WDR7: variants seen among roughly 807,000 people sequenced by gnomAD.
WDR7 encodes the protein WD repeat domain 7, also known as WD repeat-containing protein 7.
WDR7 carries 46 observed loss-of-function variants against 169.4 expected under a neutral mutation model. That is an observed-to-expected ratio of 0.27 (90% confidence interval 0.21 to 0.35). The LOEUF is 0.35. WDR7 is among the 10% of genes least tolerant of loss of function. The pLI is 1.00. For missense variants in WDR7, 1,534 were observed against 1,859.3 expected, an observed-to-expected ratio of 0.83 and a Z score of 3.22; for synonymous variants, 612 against 666.8, an observed-to-expected ratio of 0.92 and a Z score of 1.27.
intron 1 of WDR7, among the ~76,000 whole-genome samples, chr18:56,668,223 A>G (rs925418554): frequency 6.6e-6 from 1 of 152,192 alleles, no homozygotes; most frequent in Admixed American, 6.5e-5. Context: ...GATCTGATGC[A>G]TGTTGGCTAT....
At chr18:56,732,116 A>G (rs923098115) in intron 14 of WDR7, among the ~76,000 whole-genome samples, 1 of 152,238 alleles carries the variant, frequency 6.6e-6, no homozygotes, top group Non-Finnish European at 1.5e-5. Context: ...GCTCAAACAC[A>G]CTTTCCTTAC....
intron 26 of WDR7, among the ~76,000 whole-genome samples, chr18:56,979,862 AG>A (rs1406129926): frequency 5.3e-5 from 8 of 152,256 alleles, no homozygotes; most frequent in African/African-American, 1.7e-4. Flanking sequence ...GAAATTACCA[AG>A]ATATTAGCCA....
chr18:56,930,244 C>G (rs1194518251), intron 22 of WDR7, among the ~76,000 whole-genome samples: 3 of 152,154 alleles, frequency 2.0e-5, no homozygotes, highest in Admixed American at 2.0e-4. Context: ...TAGAAAGATT[C>G]CTTTTGAACT....
At chr18:56,795,828 G>T (rs1238659840) in intron 19 of WDR7, among the ~76,000 whole-genome samples, 2 of 152,024 alleles carry the variant, frequency 1.3e-5, no homozygotes, top group East Asian at 3.9e-4. Flanking sequence ...TTAAATTATT[G>T]TGCTTAAAGG....
chr18:56,907,179 A>T (rs147846477), intron 21 of WDR7, among the ~76,000 whole-genome samples: 295 of 152,352 alleles, frequency 1.9e-3, no homozygotes, highest in African/African-American at 6.7e-3. Context: ...TTTTGGTAAA[A>T]AAAGTAAAAC....
At chr18:56,753,448 T>C (rs187202828) in intron 14 of WDR7, 16 of 152,306 alleles carry the variant, frequency 1.1e-4, no homozygotes, top group African/African-American at 3.8e-4. Context: ...CTGTAGAGTA[T>C]AGGAAAATGC....
intron 12 of WDR7, 23 bp downstream of exon 12, chr18:56,696,485 T>G: frequency 2.5e-6 from 4 of 1,578,726 alleles, no homozygotes; most frequent in Non-Finnish European, 3.5e-6. Context: ...ATATAAAAGA[T>G]TATTTCACTA....
intron 1 of WDR7, among the ~76,000 whole-genome samples, chr18:56,662,134 G>A (rs1294436576): frequency 6.6e-6 from 1 of 152,176 alleles, no homozygotes; most frequent in Non-Finnish European, 1.5e-5. Flanking sequence ...ATTCATGTAT[G>A]CGCATCCTCG....
chr18:56,900,874 T>C (rs1272022951), intron 21 of WDR7, among the ~76,000 whole-genome samples: 1 of 152,158 alleles, frequency 6.6e-6, no homozygotes, highest in Non-Finnish European at 1.5e-5. Context: ...GCCGGATCTC[T>C]CCATTGACCT....
chr18:56,836,231 C>T lies in WDR7; in HGVS notation c.3304+20087C>T, dbSNP rs184272312. On this transcript the variant is annotated intron_variant, in intron 20 of 27. Transcript: ENST00000254442. ...GTGGCAGGTGCAGTAAGGCCACTTT[C>T]CTCTCATGTCTGGCCAGGATTCACC... 5.6e-3 allele frequency among the ~76,000 whole-genome samples: 849 copies of T among 152,188 alleles called. 11 individuals are homozygous for T. The highest frequency in any genetic ancestry group is 0.019 in the African/African-American group (805 of 41,524).
intron 1 of WDR7, among the ~76,000 whole-genome samples, chr18:56,672,141 A>G (rs974775535): frequency 1.3e-5 from 2 of 152,224 alleles, no homozygotes; most frequent in African/African-American, 4.8e-5. Flanking sequence ...AATAGTATAC[A>G]TAAAAGCGCT....
At chr18:56,989,599 T>G (rs1254568315) in intron 26 of WDR7, among the ~76,000 whole-genome samples, 1 of 152,192 alleles carries the variant, frequency 6.6e-6, no homozygotes, top group Non-Finnish European at 1.5e-5. Flanking sequence ...AAATAATAAC[T>G]TCCCTGGCGA....
At chr18:56,812,787 C>T (rs1046236136) in intron 19 of WDR7, among the ~76,000 whole-genome samples, 1 of 152,000 alleles carries the variant, frequency 6.6e-6, no homozygotes, top group Non-Finnish European at 1.5e-5. Flanking sequence ...TTTTGTTCAG[C>T]GAGGGCCCCC....
intron 12 of WDR7, among the ~76,000 whole-genome samples, chr18:56,714,784 G>A (rs892005801): frequency 6.6e-6 from 1 of 152,092 alleles, no homozygotes; most frequent in Non-Finnish European, 1.5e-5. Context: ...TGTGAAAGGG[G>A]AATAAAAGTA....
At chr18:56,734,524 GAAAAA>G (rs111344360) in intron 14 of WDR7, among the ~76,000 whole-genome samples, 1 of 76,176 alleles carries the variant, frequency 1.3e-5, no homozygotes, top group African/African-American at 4.3e-5. Context: ...CACTGCTTTT[GAAAAA>G]AAAAAAAAAA....
At chr18:56,675,539 G>T (rs534734563) in intron 2 of WDR7, among the ~76,000 whole-genome samples, 7 of 151,484 alleles carry the variant, frequency 4.6e-5, no homozygotes, top group African/African-American at 1.7e-4. Flanking sequence ...AAATACATTT[G>T]AGTTTGTTTA....
chr18:56,844,403 C>CT (rs1298511758), intron 20 of WDR7, among the ~76,000 whole-genome samples: 2 of 152,118 alleles, frequency 1.3e-5, no homozygotes, highest in Admixed American at 1.3e-4. Flanking sequence ...AATTTCTCAA[C>CT]TTCATTTATA....
intron 26 of WDR7, among the ~76,000 whole-genome samples, chr18:56,987,279 C>A: frequency 2.0e-5 from 2 of 100,990 alleles, no homozygotes; most frequent in South Asian, 4.0e-4. Flanking sequence ...GCCTTATCAT[C>A]TGTACCAAAA....
At chr18:56,683,836 A>G (rs963926877) in intron 5 of WDR7, among the ~76,000 whole-genome samples, 6 of 152,200 alleles carry the variant, frequency 3.9e-5, no homozygotes, top group African/African-American at 1.4e-4. Context: ...GAAAATCAGC[A>G]CATAGCTTTT....
Sources: gnomAD v4.1 joint callset for allele counts (sites outside exome capture counted in the v4.1 genomes callset) on GRCh38, gnomAD v4.1.1 for gene constraint, MANE v1.5 for transcripts, NCBI Gene and HGNC (gene_info 2026-07-23, HGNC 2026-07-21) for gene names.